DIP2C: variants seen among roughly 807,000 people sequenced by gnomAD.
The protein encoded by DIP2C is DIP2 acetate--CoA ligase C (putative), also known as disco-interacting protein 2 homolog C.
DIP2C carries 33 observed loss-of-function variants against 192.4 expected under a neutral mutation model. The ratio of observed to expected loss-of-function variants is 0.17; its 90% CI spans 0.13 to 0.23. The LOEUF (loss-of-function observed/expected upper bound fraction) is 0.23, where lower values mean the gene tolerates loss of function less well. Among genes scored for constraint, DIP2C ranks in the 10% least tolerant of loss-of-function variants. The probability of loss-of-function intolerance (pLI) is 1.00; values close to 1 mark genes in which losing one functional copy is unlikely to be tolerated. For missense variants in DIP2C, 1,537 were observed against 2,110.1 expected (o/e 0.73, Z 5.32); for synonymous variants, 979 against 864.1 (o/e 1.13, Z -2.33).
intron 2 of DIP2C, 147 bp from the exon 3 acceptor site, chr10:472,696 G>A (rs1970726700): frequency 5.8e-6 from 4 of 693,246 alleles, no homozygotes; most frequent in Non-Finnish European, 9.8e-6. Flanking sequence ...CCACAGACAG[G>A]AGGGCCAGGA....
chr10:324,200 G>T (rs1015017963), intron 31 of DIP2C, among the ~76,000 whole-genome samples: 23 of 151,986 alleles, frequency 1.5e-4, no homozygotes, highest in Non-Finnish European at 1.8e-4. Flanking sequence ...CTCACTGACT[G>T]TGAGAAATGT....
In DIP2C at chr10:651,423, A is replaced by T. The variant is rs1244826350; in HGVS notation, c.85+38071T>A. 7.2e-6 allele frequency: 5 copies of T among 692,578 alleles called. No homozygotes were observed. Among genetic ancestry groups the T allele is most frequent in the Non-Finnish European group, 1.1e-5 (4 of 378,086 alleles). 42.9% of individuals were successfully genotyped at this position (692,578 alleles called of 1,614,324 possible). A position where few individuals can be genotyped will look rare whatever the true frequency, so the allele number is the denominator to read the frequency against. On this transcript the variant is annotated intron_variant, in intron 1 of 36. Transcript: ENST00000280886. This position sits in a 1 kb window ranked among gnomAD's most constrained non-coding sequence, Gnocchi z 4.1. ...AACCAAACTCGTGACTGAATGAACA[A>T]GTATGTTAAGTCGTTAAGTAAAAAT... is the stretch of plus-strand genomic sequence containing the variant.
intron 1 of DIP2C, among the ~76,000 whole-genome samples, chr10:513,517 C>A (rs1437609749): frequency 6.6e-6 from 1 of 152,246 alleles, no homozygotes; most frequent in East Asian, 1.9e-4. Context: ...CTCTCGTCCA[C>A]CACAGCACAC....
rs147730038 is a variant in DIP2C, at chr10:568,860, G to T, written c.86-82330C>A. 1.3e-3 allele frequency among the ~76,000 whole-genome samples: 191 copies of T among 142,944 alleles called. 2 individuals carry two copies. In the East Asian group the frequency reaches 0.039, roughly 29 times the overall value. 93.8% of individuals were successfully genotyped at this position (142,944 alleles called of 152,430 possible). A position where few individuals can be genotyped will look rare whatever the true frequency, so the allele number is the denominator to read the frequency against. On this transcript the variant is annotated intron_variant, in intron 1 of 36. Coordinates refer to ENST00000280886, the MANE Select transcript of DIP2C (RefSeq NM_014974.3). Reference sequence around the variant, plus strand: ...TGATCGTTTCTGCAAATGTCTACCTGCAATGAGCCATCTCAGAGCCGTTCA... The same window carrying T: ...TGATCGTTTCTGCAAATGTCTACCTTCAATGAGCCATCTCAGAGCCGTTCA...
chr10:437,947 T>TA (rs1967403006), intron 4 of DIP2C: 1 of 152,194 alleles, frequency 6.6e-6, no homozygotes, highest in Non-Finnish European at 1.5e-5. Flanking sequence ...TTTGTTCAAG[T>TA]AAGCAGGGTA....
chr10:659,520 TCACA>T (rs1330279764), intron 1 of DIP2C, among the ~76,000 whole-genome samples: 1 of 152,234 alleles, frequency 6.6e-6, no homozygotes, highest in Admixed American at 6.5e-5. Context: ...TAATGAGGTC[TCACA>T]CACAGCACAC....
intron 2 of DIP2C, among the ~76,000 whole-genome samples, chr10:482,382 G>C (rs890663188): frequency 6.6e-6 from 1 of 152,118 alleles, no homozygotes; most frequent in Non-Finnish European, 1.5e-5. Flanking sequence ...CTGCTCACGC[G>C]ACCCCATGAT....
At position 317,598 on chromosome 10, in the gene DIP2C, G is replaced by A. The variant is rs189747383; in HGVS notation, c.3925-7506C>T. On this transcript the variant is annotated intron_variant, in intron 31 of 36. Transcript: ENST00000280886. The stretch of plus-strand genomic sequence containing the variant: ...TTTTGGTTCAAGACATAGACTAAAA[G>A]CCAGGCATGTTCTGTGACTGCGATA... Among the ~76,000 whole-genome samples the A allele has an allele frequency of 2.5e-3, 376 of 152,322 alleles. 1 individual carries two copies. The highest frequency in any genetic ancestry group is 0.02 in the Middle Eastern group (6 of 294).
chr10:579,794 T>C (rs1850473187), intron 1 of DIP2C, among the ~76,000 whole-genome samples: 1 of 152,026 alleles, frequency 6.6e-6, no homozygotes, highest in South Asian at 2.1e-4. Context: ...CCATATAGCA[T>C]ATGTACATAG....
intron 32 of DIP2C, among the ~76,000 whole-genome samples, chr10:295,594 A>C (rs1589411549): frequency 9.0e-5 from 1 of 11,058 alleles, no homozygotes; most frequent in Non-Finnish European, 2.6e-4. Context: ...AAAAAAAAAA[A>C]AAAAAAAAAA....
chr10:475,989 G>A (rs535814025), intron 2 of DIP2C, among the ~76,000 whole-genome samples: 17 of 152,324 alleles, frequency 1.1e-4, no homozygotes, highest in East Asian at 1.9e-4. Flanking sequence ...ACCGCTCTGC[G>A]CTGCTGAGGG....
rs192603358 is a variant in DIP2C, at chr10:674,449, C to G, written c.85+15045G>C. ...TATGTGCACCCAACAACAAAGCACCCAGATATATAAAGCAAATATTAGTAG... is the reference window on the plus strand; with the variant it reads ...TATGTGCACCCAACAACAAAGCACCGAGATATATAAAGCAAATATTAGTAG... On this transcript the variant is annotated intron_variant, in intron 1 of 36. Coordinates refer to ENST00000280886, the MANE Select transcript of DIP2C (RefSeq NM_014974.3). Among the ~76,000 whole-genome samples the G allele has an allele frequency of 2.1e-3, 320 of 152,124 alleles. 1 individual carries two copies. The highest frequency in any genetic ancestry group is 6.8e-3 in the Middle Eastern group (2 of 294).
At chr10:624,146 C>T (rs1330498073) in intron 1 of DIP2C, among the ~76,000 whole-genome samples, 3 of 152,220 alleles carry the variant, frequency 2.0e-5, no homozygotes, top group Admixed American at 6.5e-5. Context: ...GGGAGCCGCA[C>T]GGCGAGGCCC....
chr10:562,824 TAAC>T (rs1450077045), intron 1 of DIP2C, among the ~76,000 whole-genome samples: 1 of 152,172 alleles, frequency 6.6e-6, no homozygotes, highest in African/African-American at 2.4e-5. Context: ...CAGAAATCCA[TAAC>T]ATCAAACAAC....
At chr10:373,000 G>T (rs946567801) in intron 17 of DIP2C, among the ~76,000 whole-genome samples, 1 of 152,192 alleles carries the variant, frequency 6.6e-6, no homozygotes, top group African/African-American at 2.4e-5. Context: ...ATAGGGACTC[G>T]CTTAAAACTC....
chr10:548,391 C>G (rs934128655), intron 1 of DIP2C, among the ~76,000 whole-genome samples: 1 of 149,546 alleles, frequency 6.7e-6, no homozygotes, highest in African/African-American at 2.5e-5. Flanking sequence ...AAAAGAGCAT[C>G]GAACAGCCCC....
chr10:329,373 T>C, intron 30 of DIP2C, 60 bp downstream of exon 30: 1 of 1,526,040 alleles, frequency 6.6e-7, no homozygotes. Flanking sequence ...CAGATGTGCC[T>C]TCTTAGAAAG....
intron 19 of DIP2C, chr10:364,975 A>C: frequency 1.9e-6 from 1 of 534,196 alleles, no homozygotes. Flanking sequence ...GTTTTAAAGT[A>C]ATCTCTCTTC....
intron 1 of DIP2C, among the ~76,000 whole-genome samples, chr10:615,391 T>C (rs914814403): frequency 3.3e-5 from 5 of 152,154 alleles, no homozygotes; most frequent in Non-Finnish European, 5.9e-5. Context: ...GTGTTTACAA[T>C]GGAGACACAG....
Sources: allele counts gnomAD v4.1 joint callset (sites outside exome capture counted in the v4.1 genomes callset), GRCh38; gene constraint gnomAD v4.1.1; non-coding constraint Gnocchi (gnomAD v3.1); transcripts MANE v1.5; gene names NCBI Gene and HGNC (gene_info 2026-07-23, HGNC 2026-07-21).